The following SNAPC3 variants were observed in gnomAD, a reference collection of about 807,000 sequenced individuals.
The protein encoded by SNAPC3 is small nuclear RNA activating complex polypeptide 3.
Under a neutral mutation model 47.7 loss-of-function variants are expected in SNAPC3, and 56 were observed. The ratio of observed to expected loss-of-function variants is 1.18; its 90% CI spans 0.95 to 1.47. SNAPC3 has a LOEUF of 1.47. Ranked by LOEUF, SNAPC3 falls within the 40% of genes most tolerant of loss-of-function variation. The probability of loss-of-function intolerance (pLI) is 0.00; values close to 1 mark genes in which losing one functional copy is unlikely to be tolerated. For synonymous variants in SNAPC3, 235 were observed against 189.9 expected, an observed-to-expected ratio of 1.24 and a Z score of -1.95; for missense variants, 665 against 511.3, an observed-to-expected ratio of 1.30 and a Z score of -2.90.
chr9:15,460,805 A>G lies in SNAPC3; in HGVS notation c.*939A>G, dbSNP rs2035152658. The G allele has an allele frequency of 6.6e-6, 1 of 152,258 alleles. No homozygotes were observed. The highest frequency in any genetic ancestry group is 2.4e-5 in the African/African-American group (1 of 41,472). The allele number at this position is 152,258 out of a possible 1,614,324, so 9.4% of individuals were successfully genotyped here. A position where few individuals can be genotyped will look rare whatever the true frequency, so the allele number is the denominator to read the frequency against. Reference sequence around the variant, plus strand: ...CTATGTGAATAATGAATTTAAAAAGATCTTGAGTATATACTCATAACTCCA... The same window carrying G: ...CTATGTGAATAATGAATTTAAAAAGGTCTTGAGTATATACTCATAACTCCA... On this transcript the variant is annotated 3_prime_UTR_variant, in exon 9 of 9. Transcript: ENST00000380821.
intron 4 of SNAPC3, among the ~76,000 whole-genome samples, chr9:15,445,320 C>A (rs1172178822): frequency 1.3e-5 from 2 of 152,136 alleles, no homozygotes; most frequent in African/African-American, 4.8e-5. Context: ...TCTACTAATT[C>A]TTGAGGGATT....
At chr9:15,448,822 T>TC (rs2034141642) in intron 5 of SNAPC3, among the ~76,000 whole-genome samples, 1 of 152,086 alleles carries the variant, frequency 6.6e-6, no homozygotes, top group African/African-American at 2.4e-5. Flanking sequence ...TCTTTTTCTT[T>TC]CTTTTTTTTT....
chr9:15,457,912 CACTT>C (rs2034917731), intron 7 of SNAPC3, 44 bp from the exon 8 acceptor site: 2 of 1,089,592 alleles, frequency 1.8e-6, no homozygotes, highest in Non-Finnish European at 1.3e-6. Flanking sequence ...AAAAATTTGT[CACTT>C]AATATTTGTC....
intron 3 of SNAPC3, among the ~76,000 whole-genome samples, chr9:15,439,343 C>T (rs1417707579): frequency 6.6e-6 from 1 of 152,142 alleles, no homozygotes; most frequent in Non-Finnish European, 1.5e-5. Context: ...TGCTGGATGG[C>T]ATCTTTTGCC....
At chr9:15,443,254 C>T (rs1273773579) in intron 3 of SNAPC3, among the ~76,000 whole-genome samples, 1 of 152,128 alleles carries the variant, frequency 6.6e-6, no homozygotes, top group Non-Finnish European at 1.5e-5. Flanking sequence ...TATTTATGTG[C>T]GAATGTAACT....
intron 3 of SNAPC3, among the ~76,000 whole-genome samples, chr9:15,435,234 A>G (rs2032646641): frequency 6.6e-6 from 1 of 152,180 alleles, no homozygotes; most frequent in Non-Finnish European, 1.5e-5. Context: ...ATCTATTAAA[A>G]TATTTTGTCC....
At position 15,423,962 on chromosome 9, in the gene SNAPC3, A is replaced by G. The variant is rs771235363; in HGVS notation, c.368A>G (p.Glu123Gly). Residue 123 changes from glutamate to glycine, a missense_variant, in exon 2 of 9, where the codon GAG (glutamate) becomes GGG (glycine). Physicochemically the swap from Glu to Gly is moderately conservative, Grantham distance 98. Transcript: ENST00000380821. ...GGTGAGGATCCAGAAGTCATTCCGG[A>G]GAATACTGACCTGGTGACTTTGGGG... is the stretch of plus-strand genomic sequence containing the variant. ...EDGEDPEVIP[E>G]NTDLVTLGVR... is the part of the protein sequence containing the mutation. 7 of 1,587,098 alleles carry G rather than the reference A, an allele frequency of 4.4e-6. No individual in the cohort carries two copies. The highest frequency in any genetic ancestry group is 6.0e-6 in the Non-Finnish European group (7 of 1,167,748).
At chr9:15,454,107 C>A (rs529583159) in intron 7 of SNAPC3, among the ~76,000 whole-genome samples, 3 of 152,044 alleles carry the variant, frequency 2.0e-5, no homozygotes, top group Non-Finnish European at 4.4e-5. Flanking sequence ...GTGGTGTGTG[C>A]CTGTAATCCC....
chr9:15,460,194 TTC>T lies in SNAPC3; in HGVS notation c.*332_*333del, dbSNP rs2035099960. On this transcript the variant is annotated 3_prime_UTR_variant, in exon 9 of 9. Coordinates refer to ENST00000380821, the MANE Select transcript of SNAPC3 (RefSeq NM_001039697.2). ...TCCCAATCCATGCCTTCCCTATTCATTCTCTGTCCAGAGTTTTTTGCTAAAGA... is the reference window on the plus strand; with the variant it reads ...TCCCAATCCATGCCTTCCCTATTCATTCTGTCCAGAGTTTTTTGCTAAAGA... 5.9e-6 allele frequency: 1 copy of T among 168,694 alleles called. No individual in the cohort carries two copies. Among genetic ancestry groups the T allele is most frequent in the South Asian group, 2.0e-4 (1 of 5,094 alleles). 10.4% of individuals were successfully genotyped at this position (168,694 alleles called of 1,614,324 possible).
intron 7 of SNAPC3, among the ~76,000 whole-genome samples, chr9:15,457,207 A>G (rs1434808052): frequency 6.6e-6 from 1 of 152,186 alleles, no homozygotes; most frequent in Non-Finnish European, 1.5e-5. Context: ...TTAATAAAGG[A>G]GACATTAAAA....
downstream of SNAPC3, chr9:15,465,161 G>A (rs553445394): frequency 1.2e-5 from 3 of 240,548 alleles, no homozygotes; most frequent in African/African-American, 2.2e-5. Context: ...CAGTATTTGG[G>A]AAAAGAGGCA....
At chr9:15,451,736 C>A (rs546091731) in intron 6 of SNAPC3, among the ~76,000 whole-genome samples, 12 of 152,002 alleles carry the variant, frequency 7.9e-5, no homozygotes, top group Non-Finnish European at 1.6e-4. Flanking sequence ...CCTTAACATG[C>A]ATTATTAGTC....
At chr9:15,463,753 C>CTAGT (rs938278211), downstream of SNAPC3, 1 of 152,100 alleles carries the variant, frequency 6.6e-6, no homozygotes, top group African/African-American at 2.4e-5. Context: ...CATACATCAA[C>CTAGT]TAGTTAGAGC....
intron 2 of SNAPC3, among the ~76,000 whole-genome samples, chr9:15,425,816 C>G (rs191551924): frequency 1.3e-5 from 2 of 152,304 alleles, no homozygotes; most frequent in Admixed American, 6.5e-5. Context: ...AGTCCTGAGT[C>G]TGTAGTGGCT....
At chr9:15,430,621 A>G (rs1050115660) in intron 2 of SNAPC3, among the ~76,000 whole-genome samples, 2 of 152,266 alleles carry the variant, frequency 1.3e-5, no homozygotes, top group South Asian at 2.1e-4. Context: ...ATGAAAATAC[A>G]TGTGTTCAAT....
At chr9:15,425,582 G>A (rs901785738) in intron 2 of SNAPC3, among the ~76,000 whole-genome samples, 51 of 152,204 alleles carry the variant, frequency 3.4e-4, no homozygotes, top group African/African-American at 1.1e-3. Flanking sequence ...TTTCCCTTAG[G>A]AAACAGATGC....
At chr9:15,441,129 T>C (rs540423292) in intron 3 of SNAPC3, among the ~76,000 whole-genome samples, 1 of 152,042 alleles carries the variant, frequency 6.6e-6, no homozygotes, top group African/African-American at 2.4e-5. Context: ...TGATACATAA[T>C]GATTGTACAA....
At chr9:15,457,875 C>CA in intron 7 of SNAPC3, 85 bp from the exon 8 acceptor site, 2 of 763,712 alleles carry the variant, frequency 2.6e-6, no homozygotes, top group Non-Finnish European at 4.3e-6. Flanking sequence ...TCCTAATACT[C>CA]AGGCACAGAT....
chr9:15,431,912 A>G (rs2032207334), intron 2 of SNAPC3: 1 of 110,854 alleles, frequency 9.0e-6, no homozygotes, highest in Non-Finnish European at 1.7e-5. Flanking sequence ...TTTTTTGAGC[A>G]CTTCATGAAT....
Sources: allele counts gnomAD v4.1 joint callset (sites outside exome capture counted in the v4.1 genomes callset), GRCh38; gene constraint gnomAD v4.1.1; transcripts MANE v1.5; gene names NCBI Gene and HGNC (gene_info 2026-07-23, HGNC 2026-07-21).